Variants in ABCG5 observed in about 807,000 individuals in gnomAD.
The protein encoded by ABCG5 is ATP-binding cassette sub-family G member 5.
A neutral mutation model predicts 64.5 loss-of-function variants in ABCG5; 64 were observed. The observed-to-expected ratio is 0.99, with a 90% CI of 0.81 to 1.22. The LOEUF is 1.22. Ranked by LOEUF, ABCG5 falls within the 50% of genes most tolerant of loss-of-function variation. The probability of loss-of-function intolerance (pLI) is 0.00; values close to 1 mark genes in which losing one functional copy is unlikely to be tolerated. For synonymous variants in ABCG5, 385 were observed against 326.3 expected (o/e 1.18, Z -1.94); for missense variants, 908 against 829.5 (o/e 1.09, Z -1.16).
chr2:43,838,882 G>T, upstream of ABCG5: 1 of 1,179,628 alleles, frequency 8.5e-7, no homozygotes, highest in Non-Finnish European at 1.2e-6. The surrounding 1 kb of genome is among the most constrained non-coding windows in gnomAD (Gnocchi z 4.2). Context: ...ACAGTGGGCA[G>T]AACACACACG....
chr2:43,806,650 A>G, the ABCG5 span, among the ~76,000 whole-genome samples: 1 of 152,200 alleles, frequency 6.6e-6, no homozygotes, highest in Non-Finnish European at 1.5e-5. Context: ...GTTGATAAGA[A>G]TATCTGTTTA....
At chr2:43,827,379 C>T (rs2104838227) in intron 5 of ABCG5, among the ~76,000 whole-genome samples, 1 of 151,912 alleles carries the variant, frequency 6.6e-6, no homozygotes, top group East Asian at 1.9e-4. Context: ...TCTTATTTGC[C>T]TTCTAGTGAC....
chr2:43,838,361 T>C lies in ABCG5; in HGVS notation c.143+176A>G, dbSNP rs1286823222. The C allele has an allele frequency of 9.0e-6, 6 of 668,066 alleles. No individual in the cohort carries two copies. The highest frequency in any genetic ancestry group is 5.4e-5 in the African/African-American group (3 of 55,086). The allele number at this position is 668,066 out of a possible 1,614,324, so 41.4% of individuals were successfully genotyped here. On this transcript the variant is annotated intron_variant, in intron 1 of 12. Coordinates refer to ENST00000405322, the MANE Select transcript of ABCG5 (RefSeq NM_022436.3). This position sits in a 1 kb window ranked among gnomAD's most constrained non-coding sequence, Gnocchi z 4.2. ...CTGGGCAGGGGGAGGGGCCATTCAC[T>C]GTCGCTCCATGTTTCCCAGCACAGC...
At chr2:43,824,183 T>A in intron 8 of ABCG5, 36 bp downstream of exon 8, 1 of 1,614,040 alleles carries the variant, frequency 6.2e-7, no homozygotes, top group Non-Finnish European at 8.5e-7. Flanking sequence ...GCTAAAGACC[T>A]CTAACAGGCA....
chr2:43,835,522 G>T (rs1362693127), intron 2 of ABCG5, among the ~76,000 whole-genome samples: 1 of 152,170 alleles, frequency 6.6e-6, no homozygotes, highest in South Asian at 2.1e-4. Context: ...GGTTAAAAAT[G>T]GAAATAAGAA....
At position 43,831,993 on chromosome 2, in the gene ABCG5, G is replaced by C. The variant is rs1256945201; in HGVS notation, c.356C>G (p.Ala119Gly). ...GTCCTGGAACTGCTCCCGGCGCAGC[G>C]CCCGGCCGTTCACATACACCTCCCC... is the stretch of plus-strand genomic sequence containing the variant. Reference protein sequence around the residue: ...FLGEVYVNGRALRREQFQDCF... With the variant: ...FLGEVYVNGRGLRREQFQDCF... Residue 119 changes from alanine to glycine, a missense_variant, in exon 3 of 13, where the codon GCG becomes GGG. Transcript: ENST00000405322. 2.6e-6 allele frequency: 4 copies of C among 1,555,798 alleles called. No individual in the cohort carries two copies. The highest frequency in any genetic ancestry group is 3.5e-6 in the Non-Finnish European group (4 of 1,149,764).
chr2:43,824,950 A>C lies in ABCG5; in HGVS notation c.843T>G (p.Leu281=). 2 of 1,614,076 alleles carry C rather than the reference A, an allele frequency of 1.2e-6. No homozygotes were observed. The highest frequency in any genetic ancestry group is 1.7e-6 in the Non-Finnish European group (2 of 1,179,982). ...LIFCGTPAEM[L]DFFNDCGYPC... is the part of the protein sequence containing the mutation. ...GGTAACCGCAGTCATTGAAGAAATC[A>C]AGCATTTCCGCTGGCGTGCCACAGA... Residue 281 remains leucine, a synonymous_variant, in exon 7 of 13, where the codon CTT becomes CTG. Transcript: ENST00000405322.
chr2:43,835,816 C>G (rs1174755441), intron 2 of ABCG5, among the ~76,000 whole-genome samples: 1 of 152,118 alleles, frequency 6.6e-6, no homozygotes, highest in Admixed American at 6.5e-5. Flanking sequence ...TCTGTTGACC[C>G]CCTTGATCTC....
Position 43,824,350 on chromosome 2 carries a change from G to A in ABCG5, c.987C>T (p.Tyr329=), listed in dbSNP as rs1014715108. 5 of 1,613,990 alleles carry A rather than the reference G, an allele frequency of 3.1e-6. No individual in the cohort carries two copies. Among genetic ancestry groups the A allele is most frequent in the East Asian group, 2.2e-5 (1 of 44,890 alleles). Residue 329 remains tyrosine, a synonymous_variant, in exon 8 of 13, where the codon TAC becomes TAT. Transcript: ENST00000405322. ...SKRVQMIESA[Y]KKSAICHKTL... Reference sequence around the variant, plus strand: ...TTTTATGACAAATTGCTGATTTCTTGTAGGCAGATTCTATCATCTGGACTC... The same window carrying A: ...TTTTATGACAAATTGCTGATTTCTTATAGGCAGATTCTATCATCTGGACTC...
intron 2 of ABCG5, among the ~76,000 whole-genome samples, chr2:43,836,897 C>T (rs190054421): frequency 2.6e-5 from 4 of 152,056 alleles, no homozygotes; most frequent in South Asian, 2.1e-4. Context: ...ATAAATTAGC[C>T]GGACATGGTG....
intron 6 of ABCG5, 131 bp downstream of exon 6, chr2:43,826,251 C>G: frequency 7.2e-7 from 1 of 1,390,876 alleles, no homozygotes; most frequent in South Asian, 1.2e-5. Context: ...CCTCCTGCCT[C>G]AGCCTCCCAA....
intron 4 of ABCG5, chr2:43,828,461 C>A (rs113543048): frequency 3.8e-4 from 115 of 306,336 alleles, no homozygotes; most frequent in African/African-American, 2.8e-3. Flanking sequence ...CAAAGAGAGA[C>A]CCTGTCTCTA....
downstream of ABCG5, chr2:43,809,648 G>A: frequency 8.1e-7 from 1 of 1,241,772 alleles, no homozygotes; most frequent in Admixed American, 2.0e-5. Flanking sequence ...GTTTTAAGGT[G>A]CCTCCTTGAA....
At chr2:43,807,393 G>A in the ABCG5 span, among the ~76,000 whole-genome samples, 1 of 152,076 alleles carries the variant, frequency 6.6e-6, no homozygotes, top group Admixed American at 6.6e-5. Flanking sequence ...GATTTTAAGG[G>A]AATGCGAATG....
intron 11 of ABCG5, among the ~76,000 whole-genome samples, chr2:43,816,661 A>G (rs771821453): frequency 3.9e-5 from 6 of 152,186 alleles, no homozygotes; most frequent in Non-Finnish European, 8.8e-5. Flanking sequence ...CTCCTGCCTC[A>G]GCCTCCTGAG....
chr2:43,830,864 C>A (rs906616704), intron 4 of ABCG5, among the ~76,000 whole-genome samples: 2 of 152,194 alleles, frequency 1.3e-5, no homozygotes, highest in East Asian at 3.8e-4. Context: ...GAGATTGGAA[C>A]CTAGAAGGAG....
chr2:43,829,029 C>G (rs925624380), intron 4 of ABCG5, among the ~76,000 whole-genome samples: 1 of 152,056 alleles, frequency 6.6e-6, no homozygotes, highest in African/African-American at 2.4e-5. Context: ...ACACAAACTG[C>G]TTACACTTGC....
intron 2 of ABCG5, among the ~76,000 whole-genome samples, chr2:43,836,183 C>T (rs376374869): frequency 2.0e-4 from 30 of 152,024 alleles, no homozygotes; most frequent in South Asian, 4.2e-4. Flanking sequence ...TCAAGTGATC[C>T]GCCCGCCTCT....
Position 43,837,829 on chromosome 2 carries a change from C to A in ABCG5, c.265+5G>T, listed in dbSNP as rs1287508200. On this transcript the variant is annotated splice_donor_5th_base_variant and intron_variant, in intron 2 of 12. Transcript: ENST00000405322. ...CCTTTTTAGAATCCTCCTTCCCAAG[C>A]TTACCTGAGCTTCCTAGGATGCACA... 6.2e-7 allele frequency: 1 copy of A among 1,613,866 alleles called. No homozygotes were observed. The highest frequency in any genetic ancestry group is 8.5e-7 in the Non-Finnish European group (1 of 1,179,884).
Sources: gnomAD v4.1 joint callset for allele counts (sites outside exome capture counted in the v4.1 genomes callset) on GRCh38, gnomAD v4.1.1 for gene constraint, Gnocchi (gnomAD v3.1) non-coding constraint, MANE v1.5 for transcripts, NCBI Gene and HGNC (gene_info 2026-07-23, HGNC 2026-07-21) for gene names.